The following TBC1D4 variants were observed in gnomAD, a reference collection of about 807,000 sequenced individuals.
The protein encoded by TBC1D4 is TBC1 domain family member 4.
In TBC1D4, 121 loss-of-function variants were observed where a neutral mutation model predicts 142.5. That is an observed-to-expected ratio of 0.85 (90% confidence interval 0.73 to 0.99). The LOEUF is 0.99. TBC1D4 is among the 50% of genes least tolerant of loss of function. TBC1D4 has a pLI of 0.00. For missense variants in TBC1D4, 1,475 were observed against 1,606.6 expected (o/e 0.92, Z 1.40); for synonymous variants, 630 against 628.2 (o/e 1.00, Z -0.04).
intron 19 of TBC1D4, among the ~76,000 whole-genome samples, chr13:75,290,528 T>C (rs1875184238): frequency 6.6e-6 from 1 of 152,150 alleles, no homozygotes; most frequent in Non-Finnish European, 1.5e-5. Flanking sequence ...GCATAATATC[T>C]GATTCCAGTC....
intron 1 of TBC1D4, among the ~76,000 whole-genome samples, chr13:75,437,880 G>C (rs1024166158): frequency 3.3e-5 from 5 of 152,192 alleles, no homozygotes; most frequent in African/African-American, 1.2e-4. Context: ...GTGGCTGGCA[G>C]AGGTCTGTCA....
rs560535819 is a variant in TBC1D4 at position 75,284,479 on chromosome 13, C to T, written c.*2313G>A. ...CATGCACAGTTCACAATAGGGTTTG[C>T]GCTCCTATGAGAATCTAATGCCGTG... On this transcript the variant is annotated 3_prime_UTR_variant, in exon 21 of 21. Transcript: ENST00000377636. Among the ~76,000 whole-genome samples the T allele has an allele frequency of 5.3e-5, 8 of 152,094 alleles. No individual in the cohort carries two copies. In the South Asian group the frequency reaches 1.2e-3, roughly 24 times the overall value.
chr13:75,456,998 C>T (rs1394491204), intron 1 of TBC1D4, among the ~76,000 whole-genome samples: 1 of 151,912 alleles, frequency 6.6e-6, no homozygotes, highest in Non-Finnish European at 1.5e-5. Flanking sequence ...ACCTTTCAGA[C>T]ACAATGTTGA....
At chr13:75,329,320 G>A (rs9543903) in intron 8 of TBC1D4, among the ~76,000 whole-genome samples, 52,069 of 151,716 alleles carry the variant, frequency 0.34, 9,753 homozygotes, top group Non-Finnish European at 0.43. Context: ...CAGCAAACAC[G>A]AATATATTAC....
At chr13:75,444,644 T>C (rs1016038498) in intron 1 of TBC1D4, among the ~76,000 whole-genome samples, 1 of 152,162 alleles carries the variant, frequency 6.6e-6, no homozygotes, top group African/African-American at 2.4e-5. Context: ...ATTCTCCAGC[T>C]TTTCTGTAAG....
At chr13:75,343,103 C>T (rs910233650) in intron 5 of TBC1D4, among the ~76,000 whole-genome samples, 1 of 152,184 alleles carries the variant, frequency 6.6e-6, no homozygotes, top group Non-Finnish European at 1.5e-5. Context: ...GTACATTGTG[C>T]ACTTTTCTCA....
chr13:75,368,629 TA>T (rs1375254837), intron 1 of TBC1D4, among the ~76,000 whole-genome samples: 6 of 152,208 alleles, frequency 3.9e-5, no homozygotes, highest in Non-Finnish European at 8.8e-5. Flanking sequence ...ATTCCTTCTG[TA>T]AAAGGTACGA....
chr13:75,328,766 G>C (rs1879490939), intron 8 of TBC1D4, among the ~76,000 whole-genome samples: 1 of 152,106 alleles, frequency 6.6e-6, no homozygotes, highest in Non-Finnish European at 1.5e-5. Flanking sequence ...TACTTTCCAG[G>C]CTTCGACTCT....
At chr13:75,368,929 A>G (rs1358665625) in intron 1 of TBC1D4, among the ~76,000 whole-genome samples, 1 of 152,158 alleles carries the variant, frequency 6.6e-6, no homozygotes, top group African/African-American at 2.4e-5. Flanking sequence ...CTGTAATCCC[A>G]GCTACTCCTG....
At chr13:75,377,353 A>G (rs1883572087) in intron 1 of TBC1D4, 1 of 152,170 alleles carries the variant, frequency 6.6e-6, no homozygotes, top group Non-Finnish European at 1.5e-5. Flanking sequence ...AAGAGGTCTG[A>G]TATACAAATT....
intron 1 of TBC1D4, among the ~76,000 whole-genome samples, chr13:75,457,906 C>G (rs981194255): frequency 3.3e-4 from 51 of 152,246 alleles, no homozygotes; most frequent in African/African-American, 1.2e-3. Flanking sequence ...TCGCACAAAC[C>G]CCTTATGGAA....
At chr13:75,450,571 A>G (rs1887493537) in intron 1 of TBC1D4, among the ~76,000 whole-genome samples, 1 of 152,200 alleles carries the variant, frequency 6.6e-6, no homozygotes, top group Non-Finnish European at 1.5e-5. Flanking sequence ...TCGATACTCT[A>G]ATTTTCCTCC....
chr13:75,303,938 C>T (rs1389499958), intron 15 of TBC1D4, among the ~76,000 whole-genome samples: 1 of 152,172 alleles, frequency 6.6e-6, no homozygotes, highest in Non-Finnish European at 1.5e-5. Context: ...TTGAGTGTCA[C>T]CTTTTCTTTT....
chr13:75,308,667 C>T (rs1475445865), intron 14 of TBC1D4, among the ~76,000 whole-genome samples: 1 of 152,058 alleles, frequency 6.6e-6, no homozygotes, highest in African/African-American at 2.4e-5. Flanking sequence ...TTTTTTCAAC[C>T]TCTTTTTCTG....
At chr13:75,411,840 C>T (rs926438641) in intron 1 of TBC1D4, among the ~76,000 whole-genome samples, 4 of 151,806 alleles carry the variant, frequency 2.6e-5, no homozygotes, top group African/African-American at 7.3e-5. Flanking sequence ...GCCCAGCCCA[C>T]GGATGTTTAC....
chr13:75,294,285 G>T (rs1470079028), intron 18 of TBC1D4, among the ~76,000 whole-genome samples: 3 of 152,142 alleles, frequency 2.0e-5, no homozygotes, highest in Non-Finnish European at 4.4e-5. Context: ...GAGCTCTACT[G>T]ACTGTACTTA....
chr13:75,442,109 C>G (rs928776973), intron 1 of TBC1D4, among the ~76,000 whole-genome samples: 2 of 152,146 alleles, frequency 1.3e-5, no homozygotes, highest in South Asian at 4.1e-4. Flanking sequence ...TGTATGTACT[C>G]TTTTTAACCT....
rs528450446 is a variant in TBC1D4, at chr13:75,334,480, T to C, written c.1731+2441A>G. Among the ~76,000 whole-genome samples, 16 of 152,228 alleles carry C rather than the reference T, an allele frequency of 1.1e-4. No individual in the cohort carries two copies. The East Asian group carries it at 1.3e-3, about 13-fold the overall frequency. On this transcript the variant is annotated intron_variant, in intron 8 of 20. Coordinates refer to ENST00000377636, the MANE Select transcript of TBC1D4 (RefSeq NM_014832.5). ...TATGATTGTATATATAATATGTCTA[T>C]ATTTACATGTATATAAAATTCATGA...
At chr13:75,315,369 T>TATATAC (rs1555302423) in intron 12 of TBC1D4, among the ~76,000 whole-genome samples, 139 of 137,830 alleles carry the variant, frequency 1.0e-3, no homozygotes, top group Non-Finnish European at 1.6e-3. Flanking sequence ...TATATATATA[T>TATATAC]ACACACACAC....
Sources: gnomAD v4.1 joint callset for allele counts (sites outside exome capture counted in the v4.1 genomes callset) on GRCh38, gnomAD v4.1.1 for gene constraint, MANE v1.5 for transcripts, NCBI Gene and HGNC (gene_info 2026-07-23, HGNC 2026-07-21) for gene names.